Variants in PTK7 observed in about 807,000 individuals in gnomAD.
PTK7 encodes protein tyrosine kinase 7 (inactive), also known as inactive tyrosine-protein kinase 7.
In PTK7, 39 loss-of-function variants were observed where a neutral mutation model predicts 116.6. The ratio of observed to expected loss-of-function variants is 0.33; its 90% CI spans 0.26 to 0.44. PTK7 has a LOEUF of 0.44. PTK7 is among the 20% of genes least tolerant of loss of function. The probability of loss-of-function intolerance (pLI) is 1.00; values close to 1 mark genes in which losing one functional copy is unlikely to be tolerated. For missense variants in PTK7, 1,169 were observed against 1,425.6 expected (o/e 0.82, Z 2.90); for synonymous variants, 546 against 563.6 (o/e 0.97, Z 0.44).
rs1771680690 is a variant in PTK7, at chr6:43,159,043, G to C, written c.2873+75G>C. ...GAGGGGCAGAGGACAGATAGTTTGG[G>C]GGGTGTGGGAAAGGGTTTAGTGCCT... On this transcript the variant is annotated intron_variant, in intron 18 of 19. Coordinates refer to ENST00000230419, the MANE Select transcript of PTK7 (RefSeq NM_002821.5). 1.9e-6 allele frequency: 3 copies of C among 1,573,488 alleles called. No homozygotes were observed. The East Asian group carries it at 6.8e-5, about 35-fold the overall frequency.
chr6:43,090,122 C>T (rs922630246), intron 1 of PTK7, among the ~76,000 whole-genome samples: 1 of 152,228 alleles, frequency 6.6e-6, no homozygotes, highest in African/African-American at 2.4e-5. Context: ...AAGAGACTCC[C>T]TTTTCCAGGC....
chr6:43,091,154 CTTT>C (rs35002545), intron 1 of PTK7, among the ~76,000 whole-genome samples: 5 of 133,082 alleles, frequency 3.8e-5, no homozygotes, highest in Admixed American at 7.8e-5. Context: ...TCGGTTTCCT[CTTT>C]TTTTTTTTTT....
rs981501260 is a variant in PTK7 at position 43,139,624 on chromosome 6, G to A, written c.1618+99G>A. On this transcript the variant is annotated intron_variant, in intron 10 of 19. Coordinates refer to ENST00000230419, the MANE Select transcript of PTK7 (RefSeq NM_002821.5). This position sits in a 1 kb window ranked among gnomAD's most constrained non-coding sequence, Gnocchi z 4.6. Reference sequence around the variant, plus strand: ...GGTGCCCCGCACTGTGCCAGGAAATGTGGAGATTAGACAAGCAGTGCAGGG... The same window carrying A: ...GGTGCCCCGCACTGTGCCAGGAAATATGGAGATTAGACAAGCAGTGCAGGG... The A allele has an allele frequency of 6.5e-6, 10 of 1,536,694 alleles. No homozygotes were observed. The African/African-American group carries it at 9.6e-5, about 15-fold the overall frequency.
chr6:43,130,167 G>A (rs1769565861), intron 3 of PTK7, 63 bp from the exon 4 acceptor site: 4 of 1,464,454 alleles, frequency 2.7e-6, no homozygotes, highest in Non-Finnish European at 1.8e-6. Context: ...CTCTGATACT[G>A]TATCCTCTCC....
intron 1 of PTK7, among the ~76,000 whole-genome samples, chr6:43,118,655 CTCTCTATATATATATATA>C (rs1215066463): frequency 0.017 from 1,162 of 70,340 alleles, 11 homozygotes; most frequent in Non-Finnish European, 0.024. Context: ...CTCTCTCTCT[CTCTCTATATATATATATA>C]TATATATATA....
At position 43,161,337 on chromosome 6, in the gene PTK7, C is replaced by T. The variant is rs1179599956; in HGVS notation, c.*456C>T. The T allele has an allele frequency of 5.9e-6, 1 of 170,764 alleles. No homozygotes were observed. The highest frequency in any genetic ancestry group is 1.3e-5 in the Non-Finnish European group (1 of 78,420). The allele number at this position is 170,764 out of a possible 1,614,324, so 10.6% of individuals were successfully genotyped here. On this transcript the variant is annotated 3_prime_UTR_variant, in exon 20 of 20. Coordinates refer to ENST00000230419, the MANE Select transcript of PTK7 (RefSeq NM_002821.5). ...TGAGTCTCTTGGCCCACTGGTCCCA[C>T]TTGGGGGTCTAGACCAGGATTATAG...
chr6:43,129,351 C>A lies in PTK7; in HGVS notation c.367+87C>A. 1 of 1,490,532 alleles carries A rather than the reference C, an allele frequency of 6.7e-7. No homozygotes were observed. Among genetic ancestry groups the A allele is most frequent in the Non-Finnish European group, 9.1e-7 (1 of 1,094,416 alleles). 92.3% of individuals were successfully genotyped at this position (1,490,532 alleles called of 1,614,324 possible). ...GGATCCCTCCCTTACCTCAGCTTCT[C>A]CCATTTCCAGTTAAACGGGCCAGGC... On this transcript the variant is annotated intron_variant, in intron 2 of 19. Transcript: ENST00000230419. This position sits in a 1 kb window ranked among gnomAD's most constrained non-coding sequence, Gnocchi z 4.5.
At chr6:43,107,622 C>T (rs146363529) in intron 1 of PTK7, among the ~76,000 whole-genome samples, 7 of 152,312 alleles carry the variant, frequency 4.6e-5, no homozygotes, top group African/African-American at 1.7e-4. Flanking sequence ...TTGTGTGTTT[C>T]TCTCTCTGTC....
chr6:43,143,472 G>T lies in PTK7; in HGVS notation c.2103G>T (p.Met701Ile), dbSNP rs376803130. 2.5e-6 allele frequency: 4 copies of T among 1,614,010 alleles called. No homozygotes were observed. The highest frequency in any genetic ancestry group is 2.5e-6 in the Non-Finnish European group (3 of 1,180,034). Residue 701 changes from methionine to isoleucine, a missense_variant, in exon 14 of 20, where the codon ATG (methionine) becomes ATT (isoleucine). By Grantham distance (10) the Met-to-Ile change is conservative. Around this residue, in one of 3 missense-constraint regions of PTK7, gnomAD observed 678 missense variants for 853.8 expected, o/e 0.79. Transcript: ENST00000230419. This position sits in a 1 kb window ranked among gnomAD's most constrained non-coding sequence, Gnocchi z 4.2. ...CTGGCAGCCCTCCCCCCTACAAGAT[G>T]ATCCAGACCATTGGGTTGTCGGTGG... is the stretch of plus-strand genomic sequence containing the variant. ...EGPGSPPPYK[M>I]IQTIGLSVGA...
chr6:43,114,094 C>T (rs1768353641), intron 1 of PTK7, among the ~76,000 whole-genome samples: 2 of 152,162 alleles, frequency 1.3e-5, no homozygotes, highest in Admixed American at 1.3e-4. Flanking sequence ...CTGCTAGAAA[C>T]ACAGGACAGA....
rs555977689 is a variant in PTK7, at chr6:43,157,865, T to C, written c.2722-952T>C. 1.5e-3 allele frequency among the ~76,000 whole-genome samples: 233 copies of C among 152,266 alleles called. 2 individuals carry two copies. Among genetic ancestry groups the C allele is most frequent in the African/African-American group, 5.2e-3 (217 of 41,574 alleles). ...CCTCAGCCTCCCCAGTAGCTGGGAT[T>C]ATAGGCATGTGCCACCACACCCAGC... is the stretch of plus-strand genomic sequence containing the variant. On this transcript the variant is annotated intron_variant, in intron 17 of 19. Coordinates refer to ENST00000230419, the MANE Select transcript of PTK7 (RefSeq NM_002821.5).
chr6:43,103,037 A>G (rs972889324), intron 1 of PTK7, among the ~76,000 whole-genome samples: 2 of 152,234 alleles, frequency 1.3e-5, no homozygotes, highest in Non-Finnish European at 2.9e-5. Flanking sequence ...AACTACTACA[A>G]TCAGTGAGAG....
intron 1 of PTK7, among the ~76,000 whole-genome samples, chr6:43,091,994 C>G (rs546689881): frequency 1.3e-5 from 2 of 152,238 alleles, no homozygotes; most frequent in African/African-American, 4.8e-5. Context: ...CCCTGAGCAG[C>G]TGGGATTACA....
At chr6:43,153,093 T>A (rs889971919) in intron 17 of PTK7, among the ~76,000 whole-genome samples, 1 of 150,588 alleles carries the variant, frequency 6.6e-6, no homozygotes, top group African/African-American at 2.5e-5. Context: ...GACTGAGTTT[T>A]ATTTAATGTA....
chr6:43,124,866 T>C (rs891856214), intron 1 of PTK7, among the ~76,000 whole-genome samples: 2 of 152,116 alleles, frequency 1.3e-5, no homozygotes, highest in Non-Finnish European at 2.9e-5. Flanking sequence ...ACCTGGGAGC[T>C]GCATTCTCTG....
Position 43,139,060 on chromosome 6 carries a change from ACT to A in PTK7, c.1363-73_1363-72del. 6.2e-7 allele frequency: 1 copy of A among 1,608,424 alleles called. No individual in the cohort carries two copies. Among genetic ancestry groups the A allele is most frequent in the Non-Finnish European group, 8.5e-7 (1 of 1,176,462 alleles). On this transcript the variant is annotated intron_variant, in intron 8 of 19. Coordinates refer to ENST00000230419, the MANE Select transcript of PTK7 (RefSeq NM_002821.5). This position sits in a 1 kb window ranked among gnomAD's most constrained non-coding sequence, Gnocchi z 4.6. ...CCTCTTCTGTGCTCACCTCCATAGC[ACT>A]CTTACCCTGGAGGCAGCCTCCAGGG...
intron 1 of PTK7, among the ~76,000 whole-genome samples, chr6:43,101,383 T>C (rs1050658651): frequency 1.4e-4 from 21 of 151,554 alleles, no homozygotes; most frequent in African/African-American, 4.6e-4. Context: ...AAACTCTGTC[T>C]CTACTAAAAA....
intron 1 of PTK7, among the ~76,000 whole-genome samples, chr6:43,103,370 G>T (rs188899560): frequency 6.6e-6 from 1 of 152,132 alleles, no homozygotes; most frequent in African/African-American, 2.4e-5. Context: ...AAGCAACAAG[G>T]CTTTAATCTG....
chr6:43,157,356 ATATATATATTTTTTTTTTTCTTT>A (rs1771533184), intron 17 of PTK7, among the ~76,000 whole-genome samples: 1 of 3,198 alleles, frequency 3.1e-4, no homozygotes, highest in African/African-American at 8.1e-4. Context: ...ATATATATAT[ATATATATATTTTTTTTTTTCTTT>A]TTTTTTTTTT....
Sources: gnomAD v4.1 joint callset for allele counts (sites outside exome capture counted in the v4.1 genomes callset) on GRCh38, gnomAD v4.1.1 for gene constraint, gnomAD v4.1.1 regional missense constraint, Gnocchi (gnomAD v3.1) non-coding constraint, MANE v1.5 for transcripts, NCBI Gene and HGNC (gene_info 2026-07-23, HGNC 2026-07-21) for gene names.